The following HEATR6 variants were observed in gnomAD, a reference collection of about 807,000 sequenced individuals.
HEATR6 encodes the protein HEAT repeat-containing protein 6.
A neutral mutation model predicts 132.8 loss-of-function variants in HEATR6; 106 were observed. The observed-to-expected ratio is 0.80, with a 90% CI of 0.68 to 0.94. The LOEUF (loss-of-function observed/expected upper bound fraction) is 0.94. HEATR6 is among the 40% of genes least tolerant of loss of function. HEATR6 has a pLI of 0.00. For synonymous variants in HEATR6, 529 were observed against 537.8 expected (o/e 0.98, Z 0.23); for missense variants, 1,339 against 1,425.1 (o/e 0.94, Z 0.97).
chr17:60,043,852 G>C lies in HEATR6; in HGVS notation c.3257C>G (p.Ser1086Trp), dbSNP rs533357378. Reference sequence around the variant, plus strand: ...GGTTTCTTTCATACAAGGGAGGTCCGAGGCACTGGCCAAGCTCAAGAGGTG... The same window carrying C: ...GGTTTCTTTCATACAAGGGAGGTCCCAGGCACTGGCCAAGCTCAAGAGGTG... ...LIHLLSLASASDLPCMKETLE... is the reference protein window; with the variant it reads ...LIHLLSLASAWDLPCMKETLE... The change falls in exon 20 of 20, where the codon TCG becomes TGG. Residue 1086 changes from serine to tryptophan, a missense_variant. Physicochemically the swap from Ser to Trp is radical, Grantham distance 177. Coordinates refer to ENST00000184956, the MANE Select transcript of HEATR6 (RefSeq NM_022070.5). The C allele has an allele frequency of 1.9e-6, 3 of 1,614,156 alleles. No homozygotes were observed. The highest frequency in any genetic ancestry group is 8.5e-7 in the Non-Finnish European group (1 of 1,180,036).
At chr17:60,054,940 T>C (rs1906695515) in intron 14 of HEATR6, among the ~76,000 whole-genome samples, 1 of 152,194 alleles carries the variant, frequency 6.6e-6, no homozygotes. Flanking sequence ...TGCTGAAATG[T>C]GACCTCTAAC....
rs1000701222 is a variant in HEATR6, at chr17:60,046,154, A to C, written c.2845T>G (p.Phe949Val). Residue 949 changes from phenylalanine to valine, a missense_variant, in exon 19 of 20, where the codon TTT becomes GTT. Phe to Val is a conservative substitution (Grantham distance 50). Transcript: ENST00000184956. ...ATAGACTCCTCAATGATTTCTGCAA[A>C]TGTGGGTTTTTCTATATGAGAGGGT... is the stretch of plus-strand genomic sequence containing the variant. ...LQPSHIEKPT[F>V]AEIIEESIQA... The C allele has an allele frequency of 8.1e-6, 13 of 1,613,906 alleles. No individual in the cohort carries two copies. The highest frequency in any genetic ancestry group is 1.1e-5 in the Non-Finnish European group (13 of 1,179,926).
intron 8 of HEATR6, among the ~76,000 whole-genome samples, chr17:60,066,869 G>A (rs1316737634): frequency 3.3e-5 from 5 of 152,154 alleles, no homozygotes; most frequent in Non-Finnish European, 5.9e-5. Context: ...AAGGCTTCCC[G>A]GGGAATATGA....
intron 15 of HEATR6, among the ~76,000 whole-genome samples, 189 bp from the exon 16 acceptor site, chr17:60,049,891 T>C (rs1001670832): frequency 6.6e-6 from 1 of 152,236 alleles, no homozygotes; most frequent in Non-Finnish European, 1.5e-5. Flanking sequence ...ACCCACTTTG[T>C]GCAAGACACA....
In HEATR6 at chr17:60,043,091, T is replaced by G. The variant is rs1039033338; in HGVS notation, c.*472A>C. 3.7e-5 allele frequency: 10 copies of G among 270,892 alleles called. 2 individuals carry two copies. Among genetic ancestry groups the G allele is most frequent in the African/African-American group, 2.3e-4 (10 of 42,862 alleles). The allele number at this position is 270,892 out of a possible 1,614,324, so 16.8% of individuals were successfully genotyped here. A position where few individuals can be genotyped will look rare whatever the true frequency, so the allele number is the denominator to read the frequency against. On this transcript the variant is annotated 3_prime_UTR_variant, in exon 20 of 20. Transcript: ENST00000184956. The stretch of plus-strand genomic sequence containing the variant: ...CGGCTGTGAGGCACTGTCAGCATCC[T>G]CGCATCCTGTGCAGCTGGGCCAGGA...
intron 10 of HEATR6, among the ~76,000 whole-genome samples, 171 bp downstream of exon 10, chr17:60,059,717 TAC>T (rs1403541621): frequency 1.3e-5 from 2 of 152,200 alleles, no homozygotes; most frequent in African/African-American, 4.8e-5. Flanking sequence ...TATTGGGACA[TAC>T]AGAGATTATA....
intron 13 of HEATR6, 138 bp from the exon 14 acceptor site, chr17:60,055,739 C>A: frequency 1.7e-6 from 1 of 572,438 alleles, no homozygotes; most frequent in Non-Finnish European, 3.1e-6. Flanking sequence ...GTGACACCTT[C>A]ACTCTAGTAA....
chr17:60,066,899 G>C (rs1675466408), intron 8 of HEATR6, among the ~76,000 whole-genome samples: 1 of 152,178 alleles, frequency 6.6e-6, no homozygotes, highest in Admixed American at 6.6e-5. Flanking sequence ...CCATATCAAA[G>C]ATGAGTAGTG....
intron 13 of HEATR6, 111 bp downstream of exon 13, chr17:60,056,004 G>T: frequency 8.1e-7 from 1 of 1,231,686 alleles, no homozygotes; most frequent in Non-Finnish European, 1.1e-6. Context: ...AGAATTGAAG[G>T]ACATGTGGCA....
rs1404553540 is a variant in HEATR6, at chr17:60,076,224, A to G, written c.233T>C (p.Leu78Pro). The G allele has an allele frequency of 3.1e-6, 5 of 1,606,160 alleles. No individual in the cohort carries two copies. In the South Asian group the frequency reaches 4.4e-5, roughly 14 times the overall value. ...SGVAPEDVSA[L>P]LVQACRLVPL... is the part of the protein sequence containing the mutation. ...TACCAGTCGGCAAGCCTGGACAAGA[A>G]GAGCACTAACGTCCTACCAAAAAAA... The change falls in exon 2 of 20, where the codon CTT (leucine) becomes CCT (proline). Residue 78 changes from leucine to proline, a missense_variant. Leu to Pro is a moderately conservative substitution (Grantham distance 98, BLOSUM62 -3). Coordinates refer to ENST00000184956, the MANE Select transcript of HEATR6 (RefSeq NM_022070.5).
chr17:60,043,785 CTG>C lies in HEATR6; in HGVS notation c.3322_3323del (p.Gln1108ValfsTer10), dbSNP rs773397623. ...SGNMVQSYIL[Q>X]FLKSGAEGDD... ...CTCCCTCTGCTCCTGATTTTAAAAA[CTG>C]TAGAATATAGGACTGGACCATATTC... is the stretch of plus-strand genomic sequence containing the variant. On this transcript the variant is annotated frameshift_variant, in exon 20 of 20. Coordinates refer to ENST00000184956, the MANE Select transcript of HEATR6 (RefSeq NM_022070.5). LOFTEE classifies it high-confidence loss of function. 6.2e-7 allele frequency: 1 copy of C among 1,614,196 alleles called. No individual in the cohort carries two copies. The highest frequency in any genetic ancestry group is 1.1e-5 in the South Asian group (1 of 91,092).
intron 9 of HEATR6, among the ~76,000 whole-genome samples, chr17:60,060,804 C>A (rs1399425627): frequency 6.6e-6 from 1 of 152,186 alleles, no homozygotes; most frequent in Non-Finnish European, 1.5e-5. Context: ...CAGGAAATAA[C>A]ACTGCCTGCA....
chr17:60,048,275 C>CA lies in HEATR6; in HGVS notation c.2660dup (p.Ile888AspfsTer34). On this transcript the variant is annotated frameshift_variant, in exon 17 of 20. Transcript: ENST00000184956. LOFTEE classifies it high-confidence loss of function. ...GCTCAGTCACCTACATGTTGACAAT[C>CA]AGAGTGTCTGTCAGGTTGCCCAGGG... The CA allele has an allele frequency of 6.2e-7, 1 of 1,613,218 alleles. No homozygotes were observed. Among genetic ancestry groups the CA allele is most frequent in the Non-Finnish European group, 8.5e-7 (1 of 1,179,396 alleles).
At position 60,043,665 on chromosome 17, in the gene HEATR6, G is replaced by C. The variant is rs993879794; in HGVS notation, c.3444C>G (p.Asp1148Glu). Reference sequence around the variant, plus strand: ...AGCCCATGATGGCCCTTCTGGCTGTGTCTCCAGTTGGTGCCTGGATGCTGC... The same window carrying C: ...AGCCCATGATGGCCCTTCTGGCTGTCTCTCCAGTTGGTGCCTGGATGCTGC... ...HMGSIQAPTG[D>E]TARRAIMGFL... Residue 1148 changes from aspartate (D) to glutamate (E), a missense_variant, in exon 20 of 20, where the codon GAC (aspartate) becomes GAG (glutamate). By Grantham distance (45) the Asp-to-Glu change is conservative. Coordinates refer to ENST00000184956, the MANE Select transcript of HEATR6 (RefSeq NM_022070.5). 3.1e-6 allele frequency: 5 copies of C among 1,614,044 alleles called. No homozygotes were observed. Among genetic ancestry groups the C allele is most frequent in the Non-Finnish European group, 3.4e-6 (4 of 1,180,036 alleles).
At chr17:60,065,210 C>T (rs2083233972) in intron 9 of HEATR6, among the ~76,000 whole-genome samples, 1 of 152,052 alleles carries the variant, frequency 6.6e-6, no homozygotes. Flanking sequence ...TGAAATACCC[C>T]ACAAGTCATT....
chr17:60,056,094 T>C, intron 13 of HEATR6, 21 bp downstream of exon 13: 1 of 1,611,650 alleles, frequency 6.2e-7, no homozygotes, highest in Non-Finnish European at 8.5e-7. Flanking sequence ...GAAAAAGCAT[T>C]GTGGTTTTGA....
intron 9 of HEATR6, among the ~76,000 whole-genome samples, chr17:60,062,007 A>C (rs2083214775): frequency 1.3e-5 from 2 of 152,256 alleles, no homozygotes; most frequent in Non-Finnish European, 2.9e-5. Flanking sequence ...TGACTATCAC[A>C]GATGAAAACA....
At chr17:60,059,842 A>G (rs1468747267) in intron 10 of HEATR6, 48 bp downstream of exon 10, 1 of 1,405,150 alleles carries the variant, frequency 7.1e-7, no homozygotes, top group African/African-American at 1.4e-5. Context: ...ACAGTATACA[A>G]AATTAAAACA....
At chr17:60,062,484 C>T (rs191282188) in intron 9 of HEATR6, among the ~76,000 whole-genome samples, 54 of 152,268 alleles carry the variant, frequency 3.5e-4, no homozygotes, top group African/African-American at 1.2e-3. Context: ...TACTTAAGAA[C>T]GTAGCACAAA....
Sources: gnomAD v4.1 joint callset for allele counts (sites outside exome capture counted in the v4.1 genomes callset) on GRCh38, gnomAD v4.1.1 for gene constraint, MANE v1.5 for transcripts, NCBI Gene and HGNC (gene_info 2026-07-23, HGNC 2026-07-21) for gene names.